NRG1: variants seen among roughly 807,000 people sequenced by gnomAD.
NRG1 encodes the protein neuregulin 1.
In NRG1, 18 loss-of-function variants were observed where a neutral mutation model predicts 63.8. That is an observed-to-expected ratio of 0.28 (90% CI 0.19 to 0.42). The LOEUF is 0.42. Ranked by LOEUF, NRG1 falls within the 10% of genes least tolerant of loss-of-function variation. The pLI is 1.00. For missense variants in NRG1, 762 were observed against 814.7 expected, an observed-to-expected ratio of 0.94 and a Z score of 0.79; for synonymous variants, 302 against 301.3, an observed-to-expected ratio of 1.00 and a Z score of -0.02.
At chr8:31,847,143 CTT>C (rs964774498) in intron 1 of NRG1, among the ~76,000 whole-genome samples, 16 of 152,184 alleles carry the variant, frequency 1.1e-4, no homozygotes, top group Non-Finnish European at 1.6e-4. Context: ...TATGGAATAA[CTT>C]TGACTTATCC....
chr8:32,123,629 A>T (rs1428762606), intron 1 of NRG1, among the ~76,000 whole-genome samples: 1 of 148,738 alleles, frequency 6.7e-6, no homozygotes, highest in Admixed American at 6.8e-5. Context: ...TTCATTGTGC[A>T]TTTATATATC....
intron 1 of NRG1, among the ~76,000 whole-genome samples, chr8:32,394,169 A>G (rs1430399502): frequency 6.6e-6 from 1 of 152,134 alleles, no homozygotes; most frequent in African/African-American, 2.4e-5. Context: ...GCTTTAATCT[A>G]TATCTGGTCT....
At chr8:31,723,342 A>T (rs80116120) in intron 1 of NRG1, among the ~76,000 whole-genome samples, 147 of 152,280 alleles carry the variant, frequency 9.7e-4, no homozygotes, top group African/African-American at 3.3e-3. Flanking sequence ...AGGGTGAGAA[A>T]ATCCTTGTGT....
At chr8:32,324,019 T>C (rs1251496571) in intron 1 of NRG1, among the ~76,000 whole-genome samples, 1 of 151,948 alleles carries the variant, frequency 6.6e-6, no homozygotes, top group Non-Finnish European at 1.5e-5. Flanking sequence ...AACTATAAAG[T>C]GGCTACGTGA....
intron 1 of NRG1, among the ~76,000 whole-genome samples, chr8:32,041,807 T>G (rs148404795): frequency 1.3e-5 from 2 of 152,230 alleles, no homozygotes; most frequent in African/African-American, 4.8e-5. Flanking sequence ...AACCAAAAAG[T>G]ACCAGGGAAA....
intron 1 of NRG1, among the ~76,000 whole-genome samples, chr8:32,440,059 A>G (rs1279412847): frequency 6.6e-6 from 1 of 152,166 alleles, no homozygotes; most frequent in African/African-American, 2.4e-5. Context: ...GAAACTTACA[A>G]TCATGGCGGA....
intron 1 of NRG1, among the ~76,000 whole-genome samples, chr8:32,048,302 C>A (rs1586726603): frequency 6.7e-6 from 1 of 149,378 alleles, no homozygotes; most frequent in East Asian, 2.0e-4. Context: ...CATATATATT[C>A]ATACATATAT....
chr8:32,051,600 G>C (rs146534336), intron 1 of NRG1, among the ~76,000 whole-genome samples: 9 of 152,248 alleles, frequency 5.9e-5, no homozygotes, highest in Non-Finnish European at 1.3e-4. Flanking sequence ...CATCTGAGCA[G>C]AATTATGGCA....
At chr8:31,968,620 C>T (rs1461822082) in intron 1 of NRG1, among the ~76,000 whole-genome samples, 1 of 152,064 alleles carries the variant, frequency 6.6e-6, no homozygotes, top group African/African-American at 2.4e-5. Context: ...ACTTTTCTGC[C>T]CTCATTTAAT....
chr8:32,386,726 G>A (rs561603576), intron 1 of NRG1, among the ~76,000 whole-genome samples: 3 of 152,326 alleles, frequency 2.0e-5, no homozygotes, highest in African/African-American at 7.2e-5. Context: ...GAAGACTGAA[G>A]CAAATGGAAT....
chr8:32,685,408 G>T (rs756541270), intron 5 of NRG1, among the ~76,000 whole-genome samples: 14 of 152,100 alleles, frequency 9.2e-5, no homozygotes, highest in Non-Finnish European at 1.8e-4. Flanking sequence ...AGACTTGTCA[G>T]AATCTTGGAG....
chr8:32,169,841 A>T (rs1839821405), intron 1 of NRG1, among the ~76,000 whole-genome samples: 1 of 152,314 alleles, frequency 6.6e-6, no homozygotes, highest in Middle Eastern at 3.4e-3. Context: ...GCTTGTCTTA[A>T]CCCCAGTGCT....
At position 32,750,879 on chromosome 8, in the gene NRG1, A is replaced by G. The variant is rs547634984; in HGVS notation, c.692-3493A>G. On this transcript the variant is annotated intron_variant, in intron 7 of 11. Transcript: ENST00000356819. ...CGTTGTGTACTGAGGGGAGCTATCT[A>G]TTGGAGTTTCTTCCCTCAGGGAAAA... 3.0e-4 allele frequency among the ~76,000 whole-genome samples: 45 copies of G among 152,062 alleles called. No individual in the cohort carries two copies. The East Asian group carries it at 8.2e-3, about 28-fold the overall frequency.
chr8:32,497,670 T>C (rs10099542), intron 1 of NRG1, among the ~76,000 whole-genome samples: 112,213 of 151,548 alleles, frequency 0.74, 41,800 homozygotes, highest in East Asian at 0.89. Flanking sequence ...AGAACTAACA[T>C]GTGTACGTGA....
intron 1 of NRG1, among the ~76,000 whole-genome samples, chr8:32,142,298 C>T (rs544340556): frequency 6.6e-6 from 1 of 152,192 alleles, no homozygotes; most frequent in East Asian, 1.9e-4. Context: ...TTCACTATTT[C>T]CAGTCACAGA....
At chr8:31,931,844 C>T (rs1024334814) in intron 1 of NRG1, among the ~76,000 whole-genome samples, 6 of 152,110 alleles carry the variant, frequency 3.9e-5, no homozygotes, top group South Asian at 4.1e-4. Context: ...TGAACAGCTG[C>T]GGTTCTTGCT....
intron 1 of NRG1, among the ~76,000 whole-genome samples, chr8:32,107,808 A>G (rs1431837156): frequency 6.6e-6 from 1 of 152,242 alleles, no homozygotes; most frequent in Non-Finnish European, 1.5e-5. Context: ...GTTAAAAAAT[A>G]TCAGCATCTT....
chr8:32,225,641 C>T (rs1846245093), intron 1 of NRG1, among the ~76,000 whole-genome samples: 2 of 152,128 alleles, frequency 1.3e-5, no homozygotes, highest in South Asian at 4.1e-4. Flanking sequence ...ATATCAATAT[C>T]TGTTAAATAT....
At chr8:31,761,890 G>GT (rs955973890) in intron 1 of NRG1, among the ~76,000 whole-genome samples, 6 of 152,142 alleles carry the variant, frequency 3.9e-5, no homozygotes, top group Admixed American at 2.0e-4. Context: ...GATTTAATAG[G>GT]TAAAAAATAC....
Sources: allele counts gnomAD v4.1 joint callset (sites outside exome capture counted in the v4.1 genomes callset), GRCh38; gene constraint gnomAD v4.1.1; transcripts MANE v1.5; gene names NCBI Gene and HGNC (gene_info 2026-07-23, HGNC 2026-07-21).